The following PTPN3 variants were observed in gnomAD, a reference collection of about 807,000 sequenced individuals.
The protein encoded by PTPN3 is protein tyrosine phosphatase non-receptor type 3, also known as tyrosine-protein phosphatase non-receptor type 3.
Under a neutral mutation model 132.7 loss-of-function variants are expected in PTPN3, and 96 were observed. The ratio of observed to expected loss-of-function variants is 0.72; its 90% CI spans 0.61 to 0.86. The LOEUF (loss-of-function observed/expected upper bound fraction) is 0.86, where lower values mean the gene tolerates loss of function less well. Among genes scored for constraint, PTPN3 ranks in the 40% least tolerant of loss-of-function variants. The pLI, the probability that PTPN3 is intolerant of heterozygous loss-of-function variation, is 0.00. For synonymous variants in PTPN3, 398 were observed against 429.0 expected, an observed-to-expected ratio of 0.93 and a Z score of 0.89; for missense variants, 1,125 against 1,159.6, an observed-to-expected ratio of 0.97 and a Z score of 0.43.
At chr9:109,491,114 T>C (rs935808512) in intron 1 of PTPN3, among the ~76,000 whole-genome samples, 1 of 151,332 alleles carries the variant, frequency 6.6e-6, no homozygotes, top group Non-Finnish European at 1.5e-5. Flanking sequence ...GATAATTGCT[T>C]GAATCCAGGA....
At chr9:109,499,323 GT>G, upstream of PTPN3, among the ~76,000 whole-genome samples, 1 of 152,150 alleles carries the variant, frequency 6.6e-6, no homozygotes, top group South Asian at 2.1e-4. Flanking sequence ...CACTGAGAAG[GT>G]GATAGTGGTA....
In PTPN3 at chr9:109,379,205, G is replaced by C. The variant is rs1400811385; in HGVS notation, c.*351C>G. On this transcript the variant is annotated 3_prime_UTR_variant, in exon 26 of 26. Transcript: ENST00000374541. ...CCCAAGATAACCACACCATCTTGTT[G>C]CTGGGAGGACAACAGCTCTGTGGGT... 4.6e-6 allele frequency: 1 copy of C among 216,160 alleles called. No individual in the cohort carries two copies. Among genetic ancestry groups the C allele is most frequent in the Non-Finnish European group, 9.1e-6 (1 of 109,664 alleles). 13.4% of individuals were successfully genotyped at this position (216,160 alleles called of 1,614,324 possible).
chr9:109,503,525 T>G, the PTPN3 span, among the ~76,000 whole-genome samples: 1 of 152,036 alleles, frequency 6.6e-6, no homozygotes. Flanking sequence ...GACAGCATAG[T>G]GAAACCCTGT....
chr9:109,448,689 G>T (rs1845022447), intron 6 of PTPN3, 122 bp downstream of exon 6: 1 of 957,244 alleles, frequency 1.0e-6, no homozygotes, highest in Non-Finnish European at 1.6e-6. Flanking sequence ...ATGCTGTACA[G>T]GATGCTTTGC....
At chr9:109,379,867 C>T (rs1374587144) in intron 25 of PTPN3, among the ~76,000 whole-genome samples, 1 of 152,140 alleles carries the variant, frequency 6.6e-6, no homozygotes, top group Non-Finnish European at 1.5e-5. Flanking sequence ...AACTGGCGGT[C>T]TGGGGGAGGT....
chr9:109,417,692 A>C (rs1474582404), intron 14 of PTPN3: 1 of 985,174 alleles, frequency 1.0e-6, no homozygotes, highest in East Asian at 1.1e-4. Flanking sequence ...CACCTAACAG[A>C]GGTGGTGGGG....
At chr9:109,444,905 G>C (rs373788768) in intron 7 of PTPN3, among the ~76,000 whole-genome samples, 2 of 152,168 alleles carry the variant, frequency 1.3e-5, no homozygotes, top group South Asian at 4.1e-4. Flanking sequence ...TGTCCCACTG[G>C]GATTTGTATG....
intron 1 of PTPN3, among the ~76,000 whole-genome samples, chr9:109,490,984 G>A (rs1447863393): frequency 6.6e-6 from 1 of 151,276 alleles, no homozygotes; most frequent in Non-Finnish European, 1.5e-5. Context: ...GATCACTTGA[G>A]GTCAGGAGTT....
intron 17 of PTPN3, 122 bp downstream of exon 17, chr9:109,408,199 A>T: frequency 1.5e-6 from 1 of 679,120 alleles, no homozygotes; most frequent in Non-Finnish European, 2.4e-6. Flanking sequence ...AAACATGGTG[A>T]TGTATATCTA....
intron 1 of PTPN3, among the ~76,000 whole-genome samples, chr9:109,497,142 G>A (rs966418961): frequency 1.3e-5 from 2 of 152,046 alleles, no homozygotes; most frequent in Non-Finnish European, 1.5e-5. Context: ...CCTTGACTTC[G>A]GCAGAAGTTC....
intron 1 of PTPN3, among the ~76,000 whole-genome samples, chr9:109,497,964 C>T (rs1206861373): frequency 6.8e-6 from 1 of 145,998 alleles, no homozygotes; most frequent in African/African-American, 2.5e-5. Context: ...CGGCCGCCAG[C>T]CCGCCCCGGC....
chr9:109,534,630 T>TAA, the PTPN3 span, among the ~76,000 whole-genome samples: 1 of 9,448 alleles, frequency 1.1e-4, no homozygotes. Context: ...TACAAAAAAA[T>TAA]ACAAAAAAAA....
At chr9:109,484,347 G>GA (rs1564482637) in intron 1 of PTPN3, among the ~76,000 whole-genome samples, 1 of 152,214 alleles carries the variant, frequency 6.6e-6, no homozygotes. Flanking sequence ...GGTGGAGACC[G>GA]AAACTCAGGA....
intron 12 of PTPN3, among the ~76,000 whole-genome samples, chr9:109,425,911 G>A (rs1379297674): frequency 6.6e-6 from 1 of 151,698 alleles, no homozygotes; most frequent in Non-Finnish European, 1.5e-5. Context: ...CTACTCGGGA[G>A]GCTGAGGCAA....
intron 10 of PTPN3, 73 bp downstream of exon 10, chr9:109,433,000 G>T: frequency 3.2e-6 from 5 of 1,574,308 alleles, no homozygotes; most frequent in South Asian, 1.2e-5. Context: ...TTTAGAATGG[G>T]AGGTAACATT....
Position 109,433,118 on chromosome 9 carries a change from C to T in PTPN3, c.719G>A (p.Gly240Asp). 1 of 1,614,116 alleles carries T rather than the reference C, an allele frequency of 6.2e-7. No individual in the cohort carries two copies. The highest frequency in any genetic ancestry group is 8.5e-7 in the Non-Finnish European group (1 of 1,180,012). ...AATGTATTTTCGGTACACAGCAACA[C>T]CCGCGGAAGCAATTCCAATCATTAG... ...LDLMIGIASAGVAVYRKYICT... is the reference protein window; with the variant it reads ...LDLMIGIASADVAVYRKYICT... Residue 240 changes from glycine to aspartate, a missense_variant, in exon 10 of 26, where the codon GGT (glycine) becomes GAT (aspartate). Transcript: ENST00000374541.
At chr9:109,403,269 C>T (rs1841300091) in intron 19 of PTPN3, among the ~76,000 whole-genome samples, 1 of 152,166 alleles carries the variant, frequency 6.6e-6, no homozygotes, top group Non-Finnish European at 1.5e-5. Flanking sequence ...TCATTTTAAA[C>T]ATTCCTATTA....
chr9:109,515,095 T>C, the PTPN3 span, among the ~76,000 whole-genome samples: 1 of 152,088 alleles, frequency 6.6e-6, no homozygotes, highest in African/African-American at 2.4e-5. Flanking sequence ...CCGTCACTGC[T>C]CACTGCAGCC....
chr9:109,536,625 A>G, the PTPN3 span, among the ~76,000 whole-genome samples: 1 of 152,184 alleles, frequency 6.6e-6, no homozygotes, highest in Non-Finnish European at 1.5e-5. Context: ...TGGATGGGTT[A>G]CACACAGCTT....
Sources: allele counts gnomAD v4.1 joint callset (sites outside exome capture counted in the v4.1 genomes callset), GRCh38; gene constraint gnomAD v4.1.1; transcripts MANE v1.5; gene names NCBI Gene and HGNC (gene_info 2026-07-23, HGNC 2026-07-21).